Variants in ANKRD55 observed in about 807,000 individuals in gnomAD.
ANKRD55 encodes the protein ankyrin repeat domain 55.
A neutral mutation model predicts 60.6 loss-of-function variants in ANKRD55; 41 were observed. The ratio of observed to expected loss-of-function variants is 0.68; its 90% CI spans 0.53 to 0.88. The LOEUF is 0.88. Among genes scored for constraint, ANKRD55 ranks in the 40% least tolerant of loss-of-function variants. The pLI is 0.00. For missense variants in ANKRD55, 732 were observed against 767.6 expected, an observed-to-expected ratio of 0.95 and a Z score of 0.55; for synonymous variants, 264 against 290.3, an observed-to-expected ratio of 0.91 and a Z score of 0.92.
chr5:56,203,531 T>G (rs1300173816), intron 2 of ANKRD55, among the ~76,000 whole-genome samples: 1 of 152,122 alleles, frequency 6.6e-6, no homozygotes, highest in Admixed American at 6.5e-5. Context: ...CCCCTTCCCC[T>G]GTGTCCATGT....
chr5:56,118,091 C>T (rs1046356012), intron 8 of ANKRD55, among the ~76,000 whole-genome samples: 5 of 151,614 alleles, frequency 3.3e-5, no homozygotes, highest in Admixed American at 3.3e-4. Context: ...TGCAGTGAGC[C>T]GAGATCATAC....
chr5:56,115,576 C>G (rs1289686518), intron 9 of ANKRD55, among the ~76,000 whole-genome samples: 1 of 152,050 alleles, frequency 6.6e-6, no homozygotes, highest in African/African-American at 2.4e-5. Flanking sequence ...CCCGCCTCAA[C>G]TTCCCAAAGT....
intron 6 of ANKRD55, among the ~76,000 whole-genome samples, chr5:56,147,740 A>G (rs1400924022): frequency 6.6e-6 from 1 of 151,618 alleles, no homozygotes; most frequent in African/African-American, 2.4e-5. Flanking sequence ...TCTTTTTTTC[A>G]TTTGGGCTGA....
intron 2 of ANKRD55, among the ~76,000 whole-genome samples, chr5:56,207,172 T>C (rs1027670388): frequency 1.3e-5 from 2 of 152,212 alleles, no homozygotes; most frequent in Non-Finnish European, 1.5e-5. Flanking sequence ...TATGAGCATG[T>C]AACAACTACC....
chr5:56,209,498 A>T (rs1218342237), intron 2 of ANKRD55, among the ~76,000 whole-genome samples: 2 of 133,706 alleles, frequency 1.5e-5, no homozygotes, highest in African/African-American at 5.7e-5. Flanking sequence ...ACGGAGTCTC[A>T]CTCTTTGGCC....
At chr5:56,119,289 C>A in intron 8 of ANKRD55, among the ~76,000 whole-genome samples, 1 of 152,146 alleles carries the variant, frequency 6.6e-6, no homozygotes, top group East Asian at 1.9e-4. Flanking sequence ...AGATGAGTGA[C>A]AAATGCATTC....
Position 56,100,134 on chromosome 5 carries a change from G to A in ANKRD55, c.*49C>T. The A allele has an allele frequency of 6.2e-7, 1 of 1,611,966 alleles. No individual in the cohort carries two copies. Among genetic ancestry groups the A allele is most frequent in the Non-Finnish European group, 8.5e-7 (1 of 1,178,460 alleles). On this transcript the variant is annotated 3_prime_UTR_variant, in exon 12 of 12. Transcript: ENST00000341048. ...AAACTGGAGTAATCTTGTCCTTTGA[G>A]AGTTGAAAATACATATTCATCTACA...
intron 4 of ANKRD55, 143 bp from the exon 5 acceptor site, chr5:56,170,946 T>C: frequency 1.4e-6 from 1 of 695,278 alleles, no homozygotes; most frequent in Non-Finnish European, 2.4e-6. Context: ...GAACCACAAC[T>C]CCATCTTAGA....
chr5:56,102,470 C>T, intron 11 of ANKRD55, 24 bp downstream of exon 11: 1 of 1,486,216 alleles, frequency 6.7e-7, no homozygotes, highest in Non-Finnish European at 9.4e-7. Flanking sequence ...GCAAAGGAAG[C>T]TGCGGAAGAT....
rs758347445 is a variant in ANKRD55, at chr5:56,183,573, G to A, written c.120C>T (p.Val40=). Residue 40 remains valine, a synonymous_variant, in exon 3 of 12, where the codon GTC becomes GTT. Transcript: ENST00000341048. ...MVYQAASNGD[V]NALTAVIRED... is the part of the protein sequence containing the mutation. ...CCCGAATCACTGCAGTCAGAGCATT[G>A]ACATCTCCATTAGAGGCTGCTTGAT... 3.7e-6 allele frequency: 6 copies of A among 1,614,156 alleles called. No individual in the cohort carries two copies. In the South Asian group the frequency reaches 6.6e-5, roughly 18 times the overall value.
chr5:56,117,788 A>T lies in ANKRD55; in HGVS notation c.798-1006T>A, dbSNP rs533217067. Among the ~76,000 whole-genome samples the T allele has an allele frequency of 5.3e-5, 8 of 151,522 alleles. No homozygotes were observed. In the East Asian group the frequency reaches 1.6e-3, roughly 30 times the overall value. On this transcript the variant is annotated intron_variant, in intron 8 of 11. Coordinates refer to ENST00000341048, the MANE Select transcript of ANKRD55 (RefSeq NM_024669.3). Reference sequence around the variant, plus strand: ...TTTAAGTGATTTTTCTATAAAACTTAAAAAAAAATCACATTTAATTCCTTA... The same window carrying T: ...TTTAAGTGATTTTTCTATAAAACTTTAAAAAAAATCACATTTAATTCCTTA...
At chr5:56,222,849 T>C (rs979918697) in intron 2 of ANKRD55, among the ~76,000 whole-genome samples, 2 of 152,174 alleles carry the variant, frequency 1.3e-5, no homozygotes, top group African/African-American at 2.4e-5. Flanking sequence ...AATATGGGAC[T>C]ATGTGAAAAG....
chr5:56,163,390 G>C (rs951106766), intron 5 of ANKRD55, among the ~76,000 whole-genome samples: 1 of 152,154 alleles, frequency 6.6e-6, no homozygotes, highest in Admixed American at 6.5e-5. Flanking sequence ...ATGATTTGCA[G>C]CCCTCTGTTG....
At chr5:56,169,112 C>T (rs918847920) in intron 5 of ANKRD55, among the ~76,000 whole-genome samples, 2 of 152,184 alleles carry the variant, frequency 1.3e-5, no homozygotes, top group African/African-American at 4.8e-5. Flanking sequence ...CTGCCTCGGC[C>T]TCCCAAAGTG....
At chr5:56,187,427 CCTCT>C in intron 2 of ANKRD55, among the ~76,000 whole-genome samples, 1 of 152,372 alleles carries the variant, frequency 6.6e-6, no homozygotes, top group Non-Finnish European at 1.5e-5. Flanking sequence ...CAACGGCTAC[CCTCT>C]CTGGGTCACC....
chr5:56,218,886 T>C (rs574631826), intron 2 of ANKRD55, among the ~76,000 whole-genome samples: 26 of 152,128 alleles, frequency 1.7e-4, no homozygotes, highest in African/African-American at 5.1e-4. Flanking sequence ...CGGGGCAAAA[T>C]GTTAACGTTA....
chr5:56,220,454 C>T (rs1168684212), intron 2 of ANKRD55, among the ~76,000 whole-genome samples: 1 of 151,768 alleles, frequency 6.6e-6, no homozygotes, highest in Non-Finnish European at 1.5e-5. Flanking sequence ...GGCAGCATCA[C>T]AAAGAAGGGG....
At chr5:56,225,360 A>T (rs1581033640) in intron 2 of ANKRD55, among the ~76,000 whole-genome samples, 2 of 152,316 alleles carry the variant, frequency 1.3e-5, no homozygotes, top group East Asian at 3.9e-4. Context: ...ATTTATGATA[A>T]ACCCACAGCC....
At chr5:56,112,354 C>T (rs373358668) in intron 9 of ANKRD55, among the ~76,000 whole-genome samples, 7 of 151,644 alleles carry the variant, frequency 4.6e-5, no homozygotes, top group African/African-American at 1.5e-4. Context: ...ACTTTCCTAT[C>T]GAAAAGTACT....
Sources: gnomAD v4.1 joint callset for allele counts (sites outside exome capture counted in the v4.1 genomes callset) on GRCh38, gnomAD v4.1.1 for gene constraint, MANE v1.5 for transcripts, NCBI Gene and HGNC (gene_info 2026-07-23, HGNC 2026-07-21) for gene names.